The following ENTPD5 variants were observed in gnomAD, a reference collection of about 807,000 sequenced individuals.
The protein encoded by ENTPD5 is ectonucleoside triphosphate diphosphohydrolase 5 (inactive), also known as nucleoside diphosphate phosphatase ENTPD5.
Under a neutral mutation model 60.2 loss-of-function variants are expected in ENTPD5, and 49 were observed. That is an observed-to-expected ratio of 0.81 (90% confidence interval 0.65 to 1.03). ENTPD5 has a LOEUF of 1.03. ENTPD5 is among the 50% of genes least tolerant of loss of function. The pLI is 0.00. For missense variants in ENTPD5, 480 were observed against 507.6 expected (o/e 0.95, Z 0.52); for synonymous variants, 187 against 185.4 (o/e 1.01, Z -0.07).
At chr14:73,969,225 A>G (rs2057114209) in intron 15 of ENTPD5, among the ~76,000 whole-genome samples, 2 of 152,214 alleles carry the variant, frequency 1.3e-5, no homozygotes. Context: ...CTTCAGCTCT[A>G]GTATGTGTAA....
chr14:73,990,404 G>A (rs1198377522), intron 3 of ENTPD5, among the ~76,000 whole-genome samples: 2 of 151,624 alleles, frequency 1.3e-5, no homozygotes, highest in Non-Finnish European at 2.9e-5. Flanking sequence ...GCACAATCAC[G>A]GTTCACTGCA....
chr14:73,995,065 T>TA (rs1406735258), intron 3 of ENTPD5, among the ~76,000 whole-genome samples: 1 of 140,778 alleles, frequency 7.1e-6, no homozygotes, highest in African/African-American at 2.7e-5. Flanking sequence ...TTTTTTTTTT[T>TA]AAATACAGAG....
At chr14:73,989,207 T>C (rs565667661) in intron 3 of ENTPD5, among the ~76,000 whole-genome samples, 14 of 152,250 alleles carry the variant, frequency 9.2e-5, no homozygotes, top group South Asian at 8.3e-4. Flanking sequence ...GGTGGGAGGA[T>C]TGCTTGAGCC....
intron 5 of ENTPD5, among the ~76,000 whole-genome samples, chr14:73,984,412 G>T (rs1362141207): frequency 6.6e-6 from 1 of 152,186 alleles, no homozygotes; most frequent in East Asian, 1.9e-4. Flanking sequence ...TACCACACAA[G>T]CTGTGGCAGT....
chr14:73,999,762 A>G (rs548406782), intron 3 of ENTPD5, among the ~76,000 whole-genome samples: 1 of 151,760 alleles, frequency 6.6e-6, no homozygotes, highest in South Asian at 2.1e-4. Flanking sequence ...ACTGCACTCT[A>G]GACTGGGCAA....
intron 12 of ENTPD5, among the ~76,000 whole-genome samples, chr14:73,973,324 G>T (rs767686471): frequency 6.6e-6 from 1 of 152,154 alleles, no homozygotes; most frequent in South Asian, 2.1e-4. Flanking sequence ...TAAAGGGCTC[G>T]CCTGCTTCCT....
chr14:73,986,768 T>C, intron 5 of ENTPD5, 46 bp downstream of exon 5: 1 of 1,350,976 alleles, frequency 7.4e-7, no homozygotes, highest in Non-Finnish European at 1.1e-6. Context: ...TGTGGTCAAG[T>C]TATCAAGGCA....
At chr14:73,961,529 C>G, downstream of ENTPD5, 1 of 1,614,150 alleles carries the variant, frequency 6.2e-7, no homozygotes, top group Non-Finnish European at 8.5e-7. Context: ...TCCAGCTTGG[C>G]CCATCACCTC....
At chr14:74,007,196 A>G (rs1003922629) in intron 3 of ENTPD5, among the ~76,000 whole-genome samples, 1 of 152,070 alleles carries the variant, frequency 6.6e-6, no homozygotes, top group South Asian at 2.1e-4. Flanking sequence ...AGGCCAGCCA[A>G]GCTAACATAG....
chr14:73,999,578 G>T (rs898180948), intron 3 of ENTPD5, among the ~76,000 whole-genome samples: 3 of 151,978 alleles, frequency 2.0e-5, no homozygotes, highest in Non-Finnish European at 4.4e-5. Context: ...GGCGGATCAT[G>T]AGGTCAGGAG....
intron 6 of ENTPD5, among the ~76,000 whole-genome samples, chr14:73,980,971 C>T (rs998371540): frequency 3.3e-5 from 5 of 151,674 alleles, no homozygotes; most frequent in Non-Finnish European, 4.4e-5. Context: ...TGGTGGCGCA[C>T]GCCTGTAGTC....
In ENTPD5 at chr14:73,984,487, G is replaced by A. The variant is rs116263576; in HGVS notation, c.298-1326C>T. On this transcript the variant is annotated intron_variant, in intron 5 of 15. Transcript: ENST00000334696. The stretch of plus-strand genomic sequence containing the variant: ...CAGGCTTATTCCTGTATCATCATAT[G>A]GCACACAGTAGATGCTCAATTTGTA... 3.0e-3 allele frequency among the ~76,000 whole-genome samples: 461 copies of A among 152,222 alleles called. 4 individuals are homozygous for A. Among genetic ancestry groups the A allele is most frequent in the African/African-American group, 0.011 (453 of 41,522 alleles).
downstream of ENTPD5, chr14:73,958,692 C>G (rs2056560900): frequency 4.4e-6 from 6 of 1,351,372 alleles, no homozygotes; most frequent in Non-Finnish European, 5.7e-6. Context: ...CATACTGAAA[C>G]TTTCCTTATT....
downstream of ENTPD5, chr14:73,955,330 A>G (rs1594791516): frequency 2.5e-6 from 2 of 785,470 alleles, no homozygotes; most frequent in East Asian, 4.9e-5. Flanking sequence ...CAAACAAGAT[A>G]GAAGTGGAGA....
intron 6 of ENTPD5, among the ~76,000 whole-genome samples, chr14:73,982,236 A>G (rs1173695660): frequency 6.6e-6 from 1 of 151,950 alleles, no homozygotes; most frequent in Non-Finnish European, 1.5e-5. Context: ...CACAATGCCC[A>G]GCTAATTTTT....
downstream of ENTPD5, chr14:73,956,172 G>A (rs147209946): frequency 2.7e-4 from 112 of 416,698 alleles, 1 homozygote; most frequent in Middle Eastern, 4.8e-3. Flanking sequence ...AAAATACAAA[G>A]AAACAATTAG....
chr14:73,976,230 T>C, intron 9 of ENTPD5, 94 bp downstream of exon 9: 1 of 1,100,162 alleles, frequency 9.1e-7, no homozygotes, highest in Non-Finnish European at 1.4e-6. Flanking sequence ...CTAAGCGTGG[T>C]AGAGCTGCTG....
chr14:74,005,326 G>T (rs1022244415), intron 3 of ENTPD5, among the ~76,000 whole-genome samples: 4 of 147,680 alleles, frequency 2.7e-5, no homozygotes, highest in Admixed American at 6.8e-5. Flanking sequence ...AGGCGTGGTG[G>T]CTCATGCCTG....
chr14:73,971,952 G>A, intron 13 of ENTPD5, 44 bp from the exon 14 acceptor site: 1 of 1,145,466 alleles, frequency 8.7e-7, no homozygotes, highest in Non-Finnish European at 1.3e-6. Flanking sequence ...ACGCCTTCAA[G>A]GAAGCATAAG....
Sources: gnomAD v4.1 joint callset for allele counts (sites outside exome capture counted in the v4.1 genomes callset) on GRCh38, gnomAD v4.1.1 for gene constraint, MANE v1.5 for transcripts, NCBI Gene and HGNC (gene_info 2026-07-23, HGNC 2026-07-21) for gene names.